The following COBL variants were observed in gnomAD, a reference collection of about 807,000 sequenced individuals.
COBL encodes the protein protein cordon-bleu.
A neutral mutation model predicts 98.8 loss-of-function variants in COBL; 51 were observed. The ratio of observed to expected loss-of-function variants is 0.52; its 90% CI spans 0.41 to 0.65. The LOEUF (loss-of-function observed/expected upper bound fraction) is 0.65, where lower values mean the gene tolerates loss of function less well. COBL is among the 30% of genes least tolerant of loss of function. COBL has a pLI of 0.00. For missense variants in COBL, 1,617 were observed against 1,617.5 expected (o/e 1.00, Z 0.01); for synonymous variants, 634 against 651.7 (o/e 0.97, Z 0.41).
At chr7:51,050,305 G>A (rs1018522544) in intron 7 of COBL, among the ~76,000 whole-genome samples, 4 of 152,094 alleles carry the variant, frequency 2.6e-5, no homozygotes, top group African/African-American at 9.7e-5. Context: ...GAATCTTAAC[G>A]TGCCTATTAG....
intron 2 of COBL, among the ~76,000 whole-genome samples, chr7:51,216,888 A>T (rs1793102498): frequency 6.6e-6 from 1 of 152,234 alleles, no homozygotes; most frequent in African/African-American, 2.4e-5. Context: ...AAACAAGTAG[A>T]TCTATTTTAA....
At chr7:51,262,098 C>A (rs967203256) in intron 1 of COBL, among the ~76,000 whole-genome samples, 1 of 152,178 alleles carries the variant, frequency 6.6e-6, no homozygotes, top group Non-Finnish European at 1.5e-5. Flanking sequence ...AGAATGTGGC[C>A]AGTGGCAGCG....
intron 1 of COBL, among the ~76,000 whole-genome samples, chr7:51,276,159 T>C (rs1324427784): frequency 1.3e-5 from 2 of 152,222 alleles, no homozygotes; most frequent in East Asian, 3.9e-4. Flanking sequence ...CCCATTTTAA[T>C]TGGCATTCAC....
chr7:51,031,452 C>T (rs1788136144), intron 8 of COBL: 1 of 152,924 alleles, frequency 6.5e-6, no homozygotes, highest in South Asian at 2.1e-4. Context: ...TGTTCCTTGG[C>T]ACTTGCGGAT....
chr7:51,218,549 C>T lies in COBL; in HGVS notation c.245+1192G>A, dbSNP rs137926035. Among the ~76,000 whole-genome samples the T allele has an allele frequency of 1.9e-3, 292 of 152,364 alleles. 6 individuals are homozygous for T. The East Asian group carries it at 0.029, about 15-fold the overall frequency. The stretch of plus-strand genomic sequence containing the variant: ...AGTGCAATGGCACAATCTCGGTTCA[C>T]TGCAACCTCTGTCTCCTGGGTTCAA... On this transcript the variant is annotated intron_variant, in intron 2 of 12. Transcript: ENST00000265136.
intron 7 of COBL, among the ~76,000 whole-genome samples, chr7:51,082,609 C>T (rs12535450): frequency 0.085 from 12,881 of 152,218 alleles, 776 homozygotes; most frequent in South Asian, 0.12. Flanking sequence ...CATGCTTGGC[C>T]GCTGGCGACA....
chr7:51,020,194 G>A (rs746211), intron 12 of COBL, among the ~76,000 whole-genome samples: 24,543 of 152,208 alleles, frequency 0.16, 2,509 homozygotes, highest in East Asian at 0.29. Flanking sequence ...CACTTATGAT[G>A]TCTGTGCCCC....
rs76083759 is a variant in COBL at position 51,146,845 on chromosome 7, C to T, written c.784-10514G>A. 4.9e-4 allele frequency among the ~76,000 whole-genome samples: 74 copies of T among 152,208 alleles called. 1 individual carries two copies. The East Asian group carries it at 0.012, about 25-fold the overall frequency. On this transcript the variant is annotated intron_variant, in intron 5 of 12. Coordinates refer to ENST00000265136, the MANE Select transcript of COBL (RefSeq NM_015198.5). The stretch of plus-strand genomic sequence containing the variant: ...AGGTCAGAGCAGTCAGGAGGAAAAC[C>T]CAAGACCTACAAAAGTTACTTAATA...
At chr7:51,238,210 C>A (rs941952702) in intron 1 of COBL, among the ~76,000 whole-genome samples, 2 of 152,198 alleles carry the variant, frequency 1.3e-5, no homozygotes, top group Non-Finnish European at 2.9e-5. Flanking sequence ...TGTTCAACTA[C>A]CAGTTTTGTA....
intron 1 of COBL, among the ~76,000 whole-genome samples, chr7:51,244,286 G>A (rs780720510): frequency 3.3e-5 from 5 of 152,138 alleles, no homozygotes; most frequent in African/African-American, 7.2e-5. Context: ...AGCATGCCCC[G>A]GTGCCCCATG....
At chr7:51,087,904 A>G (rs1794436623) in intron 6 of COBL, among the ~76,000 whole-genome samples, 1 of 150,908 alleles carries the variant, frequency 6.6e-6, no homozygotes, top group African/African-American at 2.4e-5. Flanking sequence ...TTTTTATTCT[A>G]CTATACTGGA....
intron 1 of COBL, among the ~76,000 whole-genome samples, chr7:51,309,170 AGCT>A (rs1802775745): frequency 1.3e-5 from 2 of 152,130 alleles, no homozygotes; most frequent in African/African-American, 4.8e-5. Context: ...CCTGCCTCCA[AGCT>A]GCCCTTTTAA....
At chr7:51,043,745 C>G (rs1200595343) in intron 7 of COBL, 53 bp from the exon 8 acceptor site, 2 of 1,499,524 alleles carry the variant, frequency 1.3e-6, no homozygotes, top group African/African-American at 2.8e-5. Context: ...GGCGTCCATA[C>G]TGCCTAACAA....
intron 6 of COBL, among the ~76,000 whole-genome samples, chr7:51,129,050 C>A (rs192040699): frequency 2.2e-4 from 33 of 152,304 alleles, no homozygotes; most frequent in Admixed American, 2.0e-3. Flanking sequence ...TGACTTATTC[C>A]TTAAATTCTG....
At chr7:51,086,120 G>A (rs1003377508) in intron 6 of COBL, among the ~76,000 whole-genome samples, 15 of 152,102 alleles carry the variant, frequency 9.9e-5, no homozygotes, top group African/African-American at 2.7e-4. Flanking sequence ...TCATTAGGGC[G>A]AAAGTTTTTA....
chr7:51,259,643 G>A, intron 1 of COBL: 1 of 728,984 alleles, frequency 1.4e-6, no homozygotes, highest in Non-Finnish European at 2.5e-6. Flanking sequence ...AATTCCCCTG[G>A]TGCTCCTCAT....
In COBL at chr7:51,126,240, A is replaced by G. The variant is rs149555888; in HGVS notation, c.957+9918T>C. 1.9e-3 allele frequency among the ~76,000 whole-genome samples: 295 copies of G among 152,306 alleles called. 2 individuals are homozygous for G. The highest frequency in any genetic ancestry group is 6.5e-3 in the African/African-American group (269 of 41,568). On this transcript the variant is annotated intron_variant, in intron 6 of 12. Coordinates refer to ENST00000265136, the MANE Select transcript of COBL (RefSeq NM_015198.5). ...CAGTATGGGAGGCTGAGGCAGGAGA[A>G]TCGCTTGAACCTGGGAGGTGGAGCT...
intron 1 of COBL, among the ~76,000 whole-genome samples, chr7:51,289,426 G>A (rs1300171505): frequency 6.6e-6 from 1 of 152,134 alleles, no homozygotes; most frequent in African/African-American, 2.4e-5. Flanking sequence ...CCTCCACAAA[G>A]CAGCCAGAGC....
At chr7:51,199,491 T>C (rs1225484241) in intron 2 of COBL, among the ~76,000 whole-genome samples, 2 of 152,148 alleles carry the variant, frequency 1.3e-5, no homozygotes, top group Non-Finnish European at 2.9e-5. Flanking sequence ...TGGAGATCCA[T>C]AAATTACCTG....
Sources: gnomAD v4.1 joint callset for allele counts (sites outside exome capture counted in the v4.1 genomes callset) on GRCh38, gnomAD v4.1.1 for gene constraint, MANE v1.5 for transcripts, NCBI Gene and HGNC (gene_info 2026-07-23, HGNC 2026-07-21) for gene names.